Variants in HS2ST1 observed in about 807,000 individuals in gnomAD.
HS2ST1 encodes the protein 2-O-sulfotransferase.
HS2ST1 carries 18 observed loss-of-function variants against 42.9 expected under a neutral mutation model. The ratio of observed to expected loss-of-function variants is 0.42; its 90% CI spans 0.29 to 0.62. The LOEUF (loss-of-function observed/expected upper bound fraction) is 0.62. HS2ST1 is among the 20% of genes least tolerant of loss of function. The pLI, the probability that HS2ST1 is intolerant of heterozygous loss-of-function variation, is 0.21. For missense variants in HS2ST1, 334 were observed against 433.8 expected, an observed-to-expected ratio of 0.77 and a Z score of 2.04; for synonymous variants, 146 against 152.9, an observed-to-expected ratio of 0.95 and a Z score of 0.33.
At chr1:87,000,046 G>C (rs1249181323) in intron 1 of HS2ST1, among the ~76,000 whole-genome samples, 1 of 151,646 alleles carries the variant, frequency 6.6e-6, no homozygotes, top group Non-Finnish European at 1.5e-5. Context: ...TTTTGTTTCT[G>C]TGTTTTCAGT....
intron 1 of HS2ST1, among the ~76,000 whole-genome samples, chr1:86,947,362 A>G (rs996000122): frequency 6.6e-6 from 1 of 152,210 alleles, no homozygotes. Context: ...AAATATGTTC[A>G]GAAATTCTTA....
chr1:87,005,629 T>C (rs1235504987), intron 1 of HS2ST1, among the ~76,000 whole-genome samples: 2 of 152,178 alleles, frequency 1.3e-5, no homozygotes, highest in Non-Finnish European at 2.9e-5. Flanking sequence ...TTATATATCA[T>C]CACTTGTTGG....
At position 86,976,702 on chromosome 1, in the gene HS2ST1, T is replaced by TTG. The variant is rs1036585042; in HGVS notation, c.124+61544_124+61545dup. On this transcript the variant is annotated intron_variant, in intron 1 of 6. Coordinates refer to ENST00000370550, the MANE Select transcript of HS2ST1 (RefSeq NM_012262.4). ...GTAAATCCATCTTTTCTTTATAAAA[T>TTG]TGTATATATATATATATATTTTAAA... is the stretch of plus-strand genomic sequence containing the variant. Among the ~76,000 whole-genome samples the TTG allele has an allele frequency of 1.8e-3, 48 of 26,712 alleles. 1 individual carries two copies. Among genetic ancestry groups the TTG allele is most frequent in the Non-Finnish European group, 4.3e-3 (40 of 9,374 alleles). 17.5% of individuals were successfully genotyped at this position (26,712 alleles called of 152,430 possible). A position where few individuals can be genotyped will look rare whatever the true frequency, so the allele number is the denominator to read the frequency against.
chr1:86,924,758 G>T (rs992973442), intron 1 of HS2ST1, among the ~76,000 whole-genome samples: 1 of 152,096 alleles, frequency 6.6e-6, no homozygotes, highest in Admixed American at 6.5e-5. Flanking sequence ...CCTGGGCCTG[G>T]CCCACGAAAC....
intron 3 of HS2ST1, among the ~76,000 whole-genome samples, chr1:87,085,921 T>G (rs74513105): frequency 0.027 from 4,114 of 152,304 alleles, 196 homozygotes; most frequent in African/African-American, 0.093. Flanking sequence ...CTGACATGAA[T>G]TTTTAAGCGT....
At chr1:87,002,630 G>GA (rs1213259275) in intron 1 of HS2ST1, among the ~76,000 whole-genome samples, 71 of 145,562 alleles carry the variant, frequency 4.9e-4, no homozygotes, top group Non-Finnish European at 7.9e-4. Context: ...AAAAGAAAAA[G>GA]AAAAAAAAGA....
intron 1 of HS2ST1, among the ~76,000 whole-genome samples, chr1:86,921,732 G>C (rs769238054): frequency 1.3e-5 from 2 of 152,150 alleles, no homozygotes; most frequent in Non-Finnish European, 2.9e-5. Flanking sequence ...TTCCAGAACT[G>C]TGAAGAAATA....
At chr1:87,010,101 C>A (rs1649557883) in intron 1 of HS2ST1, among the ~76,000 whole-genome samples, 1 of 151,402 alleles carries the variant, frequency 6.6e-6, no homozygotes, top group Admixed American at 6.6e-5. Context: ...TGGCACATAG[C>A]ACTTTCACAT....
In HS2ST1 at chr1:86,959,919, A is replaced by G. The variant is rs566476235; in HGVS notation, c.124+44759A>G. ...ATTTAATTCAGAATCGCAGCAGGTT[A>G]TTTTGTGGCTATCAGCAAAGTTATT... On this transcript the variant is annotated intron_variant, in intron 1 of 6. Coordinates refer to ENST00000370550, the MANE Select transcript of HS2ST1 (RefSeq NM_012262.4). Among the ~76,000 whole-genome samples, 15 of 152,362 alleles carry G rather than the reference A, an allele frequency of 9.8e-5. No homozygotes were observed. The South Asian group carries it at 2.7e-3, about 27-fold the overall frequency.
At chr1:86,995,930 G>C (rs1284622708) in intron 1 of HS2ST1, among the ~76,000 whole-genome samples, 2 of 152,116 alleles carry the variant, frequency 1.3e-5, no homozygotes, top group African/African-American at 4.8e-5. Flanking sequence ...TTAAGATGAT[G>C]AGAAAGCACC....
intron 1 of HS2ST1, among the ~76,000 whole-genome samples, chr1:87,066,020 C>T (rs533129574): frequency 2.6e-5 from 4 of 152,218 alleles, no homozygotes; most frequent in Non-Finnish European, 4.4e-5. Context: ...AACTATTGCA[C>T]GTTTTCAGTT....
chr1:86,986,813 C>G (rs1371545993), intron 1 of HS2ST1, among the ~76,000 whole-genome samples: 1 of 152,118 alleles, frequency 6.6e-6, no homozygotes. Context: ...CCTAGTGGGA[C>G]TCGTTTTAGT....
chr1:86,920,005 G>T (rs551951460), intron 1 of HS2ST1, among the ~76,000 whole-genome samples: 1 of 152,132 alleles, frequency 6.6e-6, no homozygotes, highest in African/African-American at 2.4e-5. Context: ...AGTTCTTCCC[G>T]AATTTCAAGA....
chr1:87,101,156 G>GTTTTTTTT (rs1162453464), intron 5 of HS2ST1, among the ~76,000 whole-genome samples: 73 of 91,134 alleles, frequency 8.0e-4, no homozygotes, highest in Non-Finnish European at 9.3e-4. Flanking sequence ...TGTGTTTTTT[G>GTTTTTTTT]TTTTTTTTTT....
At chr1:87,053,431 A>G (rs1046696592) in intron 1 of HS2ST1, among the ~76,000 whole-genome samples, 3 of 152,194 alleles carry the variant, frequency 2.0e-5, no homozygotes, top group Non-Finnish European at 2.9e-5. Context: ...TACAAAGCTT[A>G]TATATAATTT....
intron 1 of HS2ST1, among the ~76,000 whole-genome samples, chr1:86,952,307 G>A (rs910853749): frequency 6.6e-6 from 1 of 151,586 alleles, no homozygotes; most frequent in African/African-American, 2.4e-5. Flanking sequence ...GTGTGATCTC[G>A]GCTCACTGCA....
At position 87,104,648 on chromosome 1, in the gene HS2ST1, C is replaced by G; in HGVS notation, c.1023C>G (p.Ile341Met). Residue 341 changes from isoleucine to methionine, a missense_variant, in exon 7 of 7, where the codon ATC (isoleucine) becomes ATG (methionine). Transcript: ENST00000370550. Reference protein sequence around the residue: ...AVREKDGDLYILAQNFFYEKI... With the variant: ...AVREKDGDLYMLAQNFFYEKI... ...GAGAAAAAGATGGAGACCTCTACATCCTCGCACAAAACTTTTTCTATGAAA... is the reference window on the plus strand; with the variant it reads ...GAGAAAAAGATGGAGACCTCTACATGCTCGCACAAAACTTTTTCTATGAAA... 1 of 1,613,456 alleles carries G rather than the reference C, an allele frequency of 6.2e-7. No homozygotes were observed. The highest frequency in any genetic ancestry group is 1.1e-5 in the South Asian group (1 of 91,066).
At chr1:87,023,273 A>G (rs1226347676) in intron 1 of HS2ST1, among the ~76,000 whole-genome samples, 2 of 152,204 alleles carry the variant, frequency 1.3e-5, no homozygotes, top group African/African-American at 4.8e-5. Flanking sequence ...CGACTTATGC[A>G]AAATGATGTA....
intron 1 of HS2ST1, among the ~76,000 whole-genome samples, chr1:87,053,426 A>G (rs192848877): frequency 6.6e-6 from 1 of 152,310 alleles, no homozygotes; most frequent in Admixed American, 6.5e-5. Flanking sequence ...TGAATTACAA[A>G]GCTTATATAT....
Sources: gnomAD v4.1 joint callset for allele counts (sites outside exome capture counted in the v4.1 genomes callset) on GRCh38, gnomAD v4.1.1 for gene constraint, MANE v1.5 for transcripts, NCBI Gene and HGNC (gene_info 2026-07-23, HGNC 2026-07-21) for gene names.